Variants in WWOX observed in about 807,000 individuals in gnomAD.
WWOX encodes the protein WW domain-containing oxidoreductase.
In WWOX, 69 loss-of-function variants were observed where a neutral mutation model predicts 46.2. The observed-to-expected ratio is 1.49, with a 90% CI of 1.23 to 1.82. The LOEUF is 1.82. WWOX is among the 40% of genes most tolerant of loss of function. The pLI, the probability that WWOX is intolerant of heterozygous loss-of-function variation, is 0.00. For missense variants in WWOX, 919 were observed against 542.6 expected, an observed-to-expected ratio of 1.69 and a Z score of -6.89; for synonymous variants, 359 against 202.6, an observed-to-expected ratio of 1.77 and a Z score of -6.56.
intron 8 of WWOX, among the ~76,000 whole-genome samples, chr16:78,929,506 GCACCGTAT>G (rs1433614998): frequency 2.0e-5 from 3 of 152,054 alleles, no homozygotes; most frequent in Admixed American, 6.6e-5. Flanking sequence ...AAAAATACTG[GCACCGTAT>G]CCGAGTGGGA....
At position 78,122,238 on chromosome 16, in the gene WWOX, G is replaced by A. The variant is rs533573367; in HGVS notation, c.409+7084G>A. Among the ~76,000 whole-genome samples, 52 of 152,226 alleles carry A rather than the reference G, an allele frequency of 3.4e-4. 1 individual carries two copies. Among genetic ancestry groups the A allele is most frequent in the African/African-American group, 1.2e-3 (48 of 41,518 alleles). ...CTGTGGGTCTTGGAACGCATCTCCC[G>A]AGGATAAGGGGGGGCTACTGTCAGT... On this transcript the variant is annotated intron_variant, in intron 4 of 8. Coordinates refer to ENST00000566780, the MANE Select transcript of WWOX (RefSeq NM_016373.4).
intron 8 of WWOX, chr16:78,873,476 G>A (rs906165302): frequency 6.6e-6 from 1 of 152,084 alleles, no homozygotes; most frequent in Non-Finnish European, 1.5e-5. Flanking sequence ...GTCTTTGGGA[G>A]ATATCCATTC....
intron 8 of WWOX, among the ~76,000 whole-genome samples, chr16:79,017,599 C>A (rs1460648310): frequency 6.6e-6 from 1 of 152,074 alleles, no homozygotes; most frequent in Non-Finnish European, 1.5e-5. Flanking sequence ...ACTGCAAAAA[C>A]AGCCATGGAC....
At chr16:78,950,545 CACACACACACA>C in intron 8 of WWOX, among the ~76,000 whole-genome samples, 1 of 151,130 alleles carries the variant, frequency 6.6e-6, no homozygotes, top group African/African-American at 2.4e-5. Context: ...CACACACACA[CACACACACACA>C]CACACACACG....
At chr16:78,340,739 C>T (rs1190734480) in intron 5 of WWOX, among the ~76,000 whole-genome samples, 4 of 118,250 alleles carry the variant, frequency 3.4e-5, no homozygotes, top group African/African-American at 1.2e-4. Context: ...TTCTTATCTT[C>T]TGCTTGGGGA....
chr16:78,518,876 A>G (rs2043291938), intron 8 of WWOX, among the ~76,000 whole-genome samples: 1 of 152,188 alleles, frequency 6.6e-6, no homozygotes, highest in Non-Finnish European at 1.5e-5. Flanking sequence ...AACCTGCGAC[A>G]TCCACATGTG....
chr16:78,514,158 A>G (rs184267247), intron 8 of WWOX, among the ~76,000 whole-genome samples: 1,801 of 152,334 alleles, frequency 0.012, 32 homozygotes, highest in Middle Eastern at 0.044. Flanking sequence ...TCAGAAAAAA[A>G]CTTAGAGAGT....
intron 8 of WWOX, among the ~76,000 whole-genome samples, chr16:78,564,175 G>T (rs1368894531): frequency 6.6e-6 from 1 of 152,220 alleles, no homozygotes; most frequent in Non-Finnish European, 1.5e-5. Context: ...GCAATCTTGA[G>T]CTAAAAATAA....
intron 5 of WWOX, among the ~76,000 whole-genome samples, chr16:78,259,089 G>A (rs1204105463): frequency 6.6e-6 from 1 of 152,216 alleles, no homozygotes; most frequent in African/African-American, 2.4e-5. Context: ...AATTAGTTCT[G>A]TAAGTATGTG....
intron 8 of WWOX, among the ~76,000 whole-genome samples, chr16:78,733,595 A>G (rs1340303992): frequency 5.3e-5 from 8 of 151,662 alleles, no homozygotes; most frequent in African/African-American, 1.5e-4. Flanking sequence ...AAAATACAAA[A>G]AAAAAAAAAA....
At chr16:78,930,878 A>C (rs944952312) in intron 8 of WWOX, among the ~76,000 whole-genome samples, 1 of 152,078 alleles carries the variant, frequency 6.6e-6, no homozygotes, top group Non-Finnish European at 1.5e-5. Context: ...ATGACAGTTA[A>C]ATGTAACATG....
intron 8 of WWOX, among the ~76,000 whole-genome samples, chr16:78,474,343 A>G (rs1005770831): frequency 1.3e-5 from 2 of 152,226 alleles, no homozygotes; most frequent in Admixed American, 6.5e-5. Flanking sequence ...TAGGACGCCA[A>G]TAGCTTATGT....
chr16:79,106,582 A>ATTTTTTTTTTTTTTTTTTTTTTTTTTT (rs752318131), intron 8 of WWOX: 5 of 79,510 alleles, frequency 6.3e-5, no homozygotes, highest in African/African-American at 2.7e-4. Context: ...TCTTAAAATA[A>ATTTTTTTTTTTTTTTTTTTTTTTTTTT]TTTTTTTTTT....
chr16:78,420,116 C>T (rs1223270459), intron 6 of WWOX, among the ~76,000 whole-genome samples: 2 of 151,976 alleles, frequency 1.3e-5, no homozygotes, highest in African/African-American at 2.4e-5. Context: ...AGTCAGATAA[C>T]AAATACTTAC....
chr16:78,814,454 C>G (rs1166956501), intron 8 of WWOX, among the ~76,000 whole-genome samples: 1 of 151,690 alleles, frequency 6.6e-6, no homozygotes, highest in African/African-American at 2.4e-5. Flanking sequence ...GATGAAACTA[C>G]CAAGAAGCCT....
intron 8 of WWOX, among the ~76,000 whole-genome samples, chr16:78,753,281 C>G (rs1235197629): frequency 6.6e-6 from 1 of 151,724 alleles, no homozygotes; most frequent in African/African-American, 2.4e-5. Flanking sequence ...GCCTGGGCGA[C>G]AGACTCCAGC....
At chr16:78,787,772 A>G (rs1319312976) in intron 8 of WWOX, among the ~76,000 whole-genome samples, 1 of 152,172 alleles carries the variant, frequency 6.6e-6, no homozygotes, top group East Asian at 1.9e-4. Flanking sequence ...GCACCATTTT[A>G]TATTTCCACT....
chr16:78,396,837 C>T (rs988637936), intron 6 of WWOX, among the ~76,000 whole-genome samples: 1 of 152,130 alleles, frequency 6.6e-6, no homozygotes. Context: ...TGGGACAACA[C>T]ATAAATAACT....
intron 8 of WWOX, among the ~76,000 whole-genome samples, chr16:78,962,345 G>A (rs1200014662): frequency 3.0e-5 from 3 of 101,192 alleles, no homozygotes; most frequent in Non-Finnish European, 5.4e-5. Flanking sequence ...AAAAAAAGAA[G>A]GAATGTGATT....
Sources: allele counts gnomAD v4.1 joint callset (sites outside exome capture counted in the v4.1 genomes callset), GRCh38; gene constraint gnomAD v4.1.1; transcripts MANE v1.5; gene names NCBI Gene and HGNC (gene_info 2026-07-23, HGNC 2026-07-21).